ARSI: variants seen among roughly 807,000 people sequenced by gnomAD.
ARSI encodes the protein arylsulfatase I.
In ARSI, 37 loss-of-function variants were observed where a neutral mutation model predicts 42.1. The observed-to-expected ratio is 0.88, with a 90% CI of 0.68 to 1.16. The LOEUF (loss-of-function observed/expected upper bound fraction) is 1.16, where lower values mean the gene tolerates loss of function less well. Among genes scored for constraint, ARSI ranks in the 50% most tolerant of loss-of-function variants. The probability of loss-of-function intolerance (pLI) is 0.00; values close to 1 mark genes in which losing one functional copy is unlikely to be tolerated. For synonymous variants in ARSI, 305 were observed against 320.3 expected (o/e 0.95, Z 0.51); for missense variants, 725 against 790.1 (o/e 0.92, Z 0.99).
Position 150,297,547 on chromosome 5 carries a change from G to A in ARSI, c.1377C>T (p.Arg459=). 6.2e-7 allele frequency: 1 copy of A among 1,612,768 alleles called. No individual in the cohort carries two copies. The highest frequency in any genetic ancestry group is 8.5e-7 in the Non-Finnish European group (1 of 1,179,742). ...TGATGTTGAAGAGCCACACGGCCTGGCGGACACTGGCCATTCGTTCCAGGT... is the reference window on the plus strand; with the variant it reads ...TGATGTTGAAGAGCCACACGGCCTGACGGACACTGGCCATTCGTTCCAGGT... ...WWNLERMASV[R]QAVWLFNISA... is the part of the protein sequence containing the mutation. Residue 459 remains arginine (R), a synonymous_variant, in exon 2 of 2, where the codon CGC becomes CGT. Coordinates refer to ENST00000328668, the MANE Select transcript of ARSI (RefSeq NM_001012301.4). This position sits in a 1 kb window ranked among gnomAD's most constrained non-coding sequence, Gnocchi z 7.0.
Position 150,298,118 on chromosome 5 carries a change from C to A in ARSI, c.806G>T (p.Cys269Phe). The A allele has an allele frequency of 6.2e-7, 1 of 1,613,794 alleles. No homozygotes were observed. The highest frequency in any genetic ancestry group is 2.2e-5 in the East Asian group (1 of 44,886). The stretch of plus-strand genomic sequence containing the variant: ...GATGTTGCGCACAGCCTCATCCATG[C>A]AGGTCACCATGGCCGCGTACTTCCG... ...ARRKYAAMVT[C>F]MDEAVRNITW... The change falls in exon 2 of 2, where the codon TGC becomes TTC. Residue 269 changes from cysteine (C) to phenylalanine (F), a missense_variant. Coordinates refer to ENST00000328668, the MANE Select transcript of ARSI (RefSeq NM_001012301.4).
At position 150,296,951 on chromosome 5, in the gene ARSI, T is replaced by C; in HGVS notation, c.*263A>G. On this transcript the variant is annotated 3_prime_UTR_variant, in exon 2 of 2. Coordinates refer to ENST00000328668, the MANE Select transcript of ARSI (RefSeq NM_001012301.4). ...AAGTCATTAGAGCTCATTTTACAGA[T>C]GAGGAAACTGAGGCTAAAAGCTCAT... The C allele has an allele frequency of 2.7e-6, 1 of 376,640 alleles. No individual in the cohort carries two copies. 23.3% of individuals were successfully genotyped at this position (376,640 alleles called of 1,614,324 possible).
intron 1 of ARSI, among the ~76,000 whole-genome samples, chr5:150,300,506 T>C (rs951558028): frequency 6.6e-6 from 1 of 152,132 alleles, no homozygotes; most frequent in African/African-American, 2.4e-5. Flanking sequence ...TTCATAGAGG[T>C]GGGGTGCTGT....
Position 150,298,499 on chromosome 5 carries a change from G to A in ARSI, c.425C>T (p.Thr142Ile). 6.2e-7 allele frequency: 1 copy of A among 1,614,236 alleles called. No homozygotes were observed. Among genetic ancestry groups the A allele is most frequent in the Non-Finnish European group, 8.5e-7 (1 of 1,180,042 alleles). Residue 142 changes from threonine to isoleucine, a missense_variant, in exon 2 of 2, where the codon ACC (threonine) becomes ATC (isoleucine). Transcript: ENST00000328668. The part of the protein sequence containing the change: ...PQKLQEAGYS[T>I]HMVGKWHLGF... ...CAGGTGCCACTTGCCCACCATATGG[G>A]TGGAATAACCTGCCTCCTGCAGCTT...
Position 150,297,995 on chromosome 5 carries a change from G to A in ARSI, c.929C>T (p.Pro310Leu), listed in dbSNP as rs150250495. 9.3e-6 allele frequency: 15 copies of A among 1,612,502 alleles called. No individual in the cohort carries two copies. In the East Asian group the frequency reaches 1.3e-4, roughly 14 times the overall value. Reference protein sequence around the residue: ...GQTFSGGSNWPLRGRKGTYWE... With the variant: ...GQTFSGGSNWLLRGRKGTYWE... ...ATAAGTGCCCTTGCGTCCTCGGAGC[G>A]GCCAGTTGCTGCCCCCCGAGAAAGT... Residue 310 changes from proline (P) to leucine (L), a missense_variant, in exon 2 of 2, where the codon CCG becomes CTG. Coordinates refer to ENST00000328668, the MANE Select transcript of ARSI (RefSeq NM_001012301.4). This position sits in a 1 kb window ranked among gnomAD's most constrained non-coding sequence, Gnocchi z 7.0.
rs1757812353 is a variant in ARSI, at chr5:150,296,982, T to G, written c.*232A>C. On this transcript the variant is annotated 3_prime_UTR_variant, in exon 2 of 2. Coordinates refer to ENST00000328668, the MANE Select transcript of ARSI (RefSeq NM_001012301.4). ...AACTGAGGCTAAAAGCTCATGTGGG[T>G]CACCTGAGGTCACAGAGCAAGTCCG... 2.3e-6 allele frequency: 1 copy of G among 438,046 alleles called. No homozygotes were observed. The highest frequency in any genetic ancestry group is 4.0e-6 in the Non-Finnish European group (1 of 251,064). The allele number at this position is 438,046 out of a possible 1,614,324, so 27.1% of individuals were successfully genotyped here. A position where few individuals can be genotyped will look rare whatever the true frequency, so the allele number is the denominator to read the frequency against.
Position 150,302,313 on chromosome 5 carries a change from C to T in ARSI, c.61G>A (p.Asp21Asn). 6.3e-7 allele frequency: 1 copy of T among 1,592,060 alleles called. No homozygotes were observed. Among genetic ancestry groups the T allele is most frequent in the Admixed American group, 1.8e-5 (1 of 55,966 alleles). The change falls in exon 1 of 2, where the codon GAC becomes AAC. Residue 21 changes from aspartate to asparagine, a missense_variant. Transcript: ENST00000328668. This position sits in a 1 kb window ranked among gnomAD's most constrained non-coding sequence, Gnocchi z 6.1. ...GCCACGAAGCTCGGCTTGGCCCAGTCCCAGGACAGGTAGCCGAAGCTGAGC... is the reference window on the plus strand; with the variant it reads ...GCCACGAAGCTCGGCTTGGCCCAGTTCCAGGACAGGTAGCCGAAGCTGAGC... ...SLLSFGYLSW[D>N]WAKPSFVADG... is the part of the protein sequence containing the mutation.
chr5:150,296,992 T>C lies in ARSI; in HGVS notation c.*222A>G. 2.2e-6 allele frequency: 1 copy of C among 457,892 alleles called. No homozygotes were observed. Among genetic ancestry groups the C allele is most frequent in the Non-Finnish European group, 3.8e-6 (1 of 264,000 alleles). The allele number at this position is 457,892 out of a possible 1,614,324, so 28.4% of individuals were successfully genotyped here. On this transcript the variant is annotated 3_prime_UTR_variant, in exon 2 of 2. Transcript: ENST00000328668. The stretch of plus-strand genomic sequence containing the variant: ...AAAAGCTCATGTGGGTCACCTGAGG[T>C]CACAGAGCAAGTCCGTGAGGAGGCA...
Position 150,297,217 on chromosome 5 carries a change from G to C in ARSI, c.1707C>G (p.Ile569Met). 6.4e-7 allele frequency: 1 copy of C among 1,559,362 alleles called. No homozygotes were observed. ...ACAGTTTTCTCCCTCCCCACCATCA[G>C]ATCCGTTGGGACATTAGCCTGGTGT... ...KLNTRLMSQR[I>M] Residue 569 changes from isoleucine (I) to methionine (M), a missense_variant, in exon 2 of 2, where the codon ATC becomes ATG. By Grantham distance (10) the Ile-to-Met change is conservative (BLOSUM62 1). Transcript: ENST00000328668. The surrounding 1 kb of genome is among the most constrained non-coding windows in gnomAD (Gnocchi z 7.0).
At position 150,298,048 on chromosome 5, in the gene ARSI, G is replaced by A. The variant is rs1757848434; in HGVS notation, c.876C>T (p.Ile292=). The A allele has an allele frequency of 3.1e-6, 5 of 1,612,778 alleles. No homozygotes were observed. Among genetic ancestry groups the A allele is most frequent in the African/African-American group, 1.3e-5 (1 of 74,884 alleles). The part of the protein sequence containing the change: ...KRYGFYNNSV[I]IFSSDNGGQT... ...GGCCACCATTGTCACTGGAGAAGAT[G>A]ATGACACTGTTGTTGTAGAAACCGT... The change falls in exon 2 of 2, where the codon ATC becomes ATT. Residue 292 remains isoleucine, a synonymous_variant. Coordinates refer to ENST00000328668, the MANE Select transcript of ARSI (RefSeq NM_001012301.4).
At chr5:150,298,732 A>T in intron 1 of ARSI, 120 bp from the exon 2 acceptor site, 1 of 875,268 alleles carries the variant, frequency 1.1e-6, no homozygotes, top group South Asian at 1.8e-5. Flanking sequence ...CAGCAAAAAT[A>T]ATAACAGTAA....
Position 150,302,095 on chromosome 5 carries a change from G to A in ARSI, c.279C>T (p.Cys93=). The part of the protein sequence containing the change: ...KLENYYIQPI[C]TPSRSQLLTG... ...TGAGGAGCTGGCTCCGCGAAGGCGTGCAGATGGGCTGGATGTAATAATTCT... is the reference window on the plus strand; with the variant it reads ...TGAGGAGCTGGCTCCGCGAAGGCGTACAGATGGGCTGGATGTAATAATTCT... The change falls in exon 1 of 2, where the codon TGC becomes TGT. Residue 93 remains cysteine (C), a synonymous_variant. Coordinates refer to ENST00000328668, the MANE Select transcript of ARSI (RefSeq NM_001012301.4). This position sits in a 1 kb window ranked among gnomAD's most constrained non-coding sequence, Gnocchi z 6.1. The A allele has an allele frequency of 6.2e-7, 1 of 1,604,916 alleles. No homozygotes were observed. The highest frequency in any genetic ancestry group is 8.5e-7 in the Non-Finnish European group (1 of 1,176,184).
chr5:150,297,564 G>A lies in ARSI; in HGVS notation c.1360C>T (p.Arg454Ter), dbSNP rs199825079. The A allele has an allele frequency of 2.4e-5, 39 of 1,611,464 alleles. No individual in the cohort carries two copies. Among genetic ancestry groups the A allele is most frequent in the African/African-American group, 9.3e-5 (7 of 75,042 alleles). Residue 454 changes from arginine to a stop codon, truncating the protein, a stop_gained, in exon 2 of 2, where the codon CGA becomes TGA. Transcript: ENST00000328668. LOFTEE classifies it high-confidence loss of function. This position sits in a 1 kb window ranked among gnomAD's most constrained non-coding sequence, Gnocchi z 7.0. ...TFPGSWWNLE[R>*]MASVRQAVWL... ...ACGGCCTGGCGGACACTGGCCATTC[G>A]TTCCAGGTTCCACCAGCTACCCGGG...
Position 150,298,119 on chromosome 5 carries a change from A to G in ARSI, c.805T>C (p.Cys269Arg), listed in dbSNP as rs1406172589. Reference sequence around the variant, plus strand: ...ATGTTGCGCACAGCCTCATCCATGCAGGTCACCATGGCCGCGTACTTCCGC... The same window carrying G: ...ATGTTGCGCACAGCCTCATCCATGCGGGTCACCATGGCCGCGTACTTCCGC... Reference protein sequence around the residue: ...ARRKYAAMVTCMDEAVRNITW... With the variant: ...ARRKYAAMVTRMDEAVRNITW... Residue 269 changes from cysteine (C) to arginine (R), a missense_variant, in exon 2 of 2, where the codon TGC becomes CGC. Physicochemically the swap from Cys to Arg is radical, Grantham distance 180. Coordinates refer to ENST00000328668, the MANE Select transcript of ARSI (RefSeq NM_001012301.4). The G allele has an allele frequency of 6.2e-7, 1 of 1,613,680 alleles. No individual in the cohort carries two copies.
In ARSI at chr5:150,302,438, G is replaced by T; in HGVS notation, c.-65C>A. 1 of 1,281,058 alleles carries T rather than the reference G, an allele frequency of 7.8e-7. No individual in the cohort carries two copies. The allele number at this position is 1,281,058 out of a possible 1,614,324, so 79.4% of individuals were successfully genotyped here. ...GGGGCCTCACCACCTCGCGCGCCCA[G>T]GGCGCACCACCGGCCCGCCGGCTCG... is the stretch of plus-strand genomic sequence containing the variant. On this transcript the variant is annotated 5_prime_UTR_variant, in exon 1 of 2. The change creates a new upstream start codon in the 5' untranslated region. Coordinates refer to ENST00000328668, the MANE Select transcript of ARSI (RefSeq NM_001012301.4). This position sits in a 1 kb window ranked among gnomAD's most constrained non-coding sequence, Gnocchi z 6.1.
Position 150,302,386 on chromosome 5 carries a change from C to T in ARSI, c.-13G>A. 7.0e-7 allele frequency: 1 copy of T among 1,418,974 alleles called. No individual in the cohort carries two copies. The highest frequency in any genetic ancestry group is 1.6e-5 in the South Asian group (1 of 63,402). The allele number at this position is 1,418,974 out of a possible 1,614,324, so 87.9% of individuals were successfully genotyped here. A position where few individuals can be genotyped will look rare whatever the true frequency, so the allele number is the denominator to read the frequency against. On this transcript the variant is annotated 5_prime_UTR_variant, in exon 1 of 2. Coordinates refer to ENST00000328668, the MANE Select transcript of ARSI (RefSeq NM_001012301.4). This position sits in a 1 kb window ranked among gnomAD's most constrained non-coding sequence, Gnocchi z 6.1. ...TGAGGGTGTGCATCGCCAAGCCGGCCCGCGCGTCCCGGCGCGCCGGGCTCC... is the reference window on the plus strand; with the variant it reads ...TGAGGGTGTGCATCGCCAAGCCGGCTCGCGCGTCCCGGCGCGCCGGGCTCC...
chr5:150,298,793 G>A (rs1219151446), intron 1 of ARSI, among the ~76,000 whole-genome samples, 181 bp from the exon 2 acceptor site: 1 of 152,080 alleles, frequency 6.6e-6, no homozygotes, highest in African/African-American at 2.4e-5. Flanking sequence ...TTATCTCATC[G>A]AATCCTCAAA....
Position 150,298,029 on chromosome 5 carries a change from C to T in ARSI, c.895G>A (p.Gly299Ser), listed in dbSNP as rs966027588. The T allele has an allele frequency of 1.9e-6, 3 of 1,612,594 alleles. No homozygotes were observed. Among genetic ancestry groups the T allele is most frequent in the Non-Finnish European group, 1.7e-6 (2 of 1,180,026 alleles). ...NSVIIFSSDNGGQTFSGGSNW... is the reference protein window; with the variant it reads ...NSVIIFSSDNSGQTFSGGSNW... ...CTGCCCCCCGAGAAAGTCTGGCCAC[C>T]ATTGTCACTGGAGAAGATGATGACA... The change falls in exon 2 of 2, where the codon GGT becomes AGT. Residue 299 changes from glycine (G) to serine (S), a missense_variant. Transcript: ENST00000328668.
chr5:150,298,297 A>C lies in ARSI; in HGVS notation c.627T>G (p.Thr209=), dbSNP rs916970268. Residue 209 remains threonine (T), a synonymous_variant, in exon 2 of 2, where the codon ACT becomes ACG. Transcript: ENST00000328668. ...VAWGLSGQYS[T]MLYAQRASHI... ...GGCTGGCGCGCTGGGCATAAAGCAT[A>C]GTGGAGTACTGGCCGCTGAGCCCCC... 8.7e-6 allele frequency: 14 copies of C among 1,613,384 alleles called. No individual in the cohort carries two copies. In the African/African-American group the frequency reaches 1.5e-4, roughly 17 times the overall value.
Sources: gnomAD v4.1 joint callset for allele counts (sites outside exome capture counted in the v4.1 genomes callset) on GRCh38, gnomAD v4.1.1 for gene constraint, Gnocchi (gnomAD v3.1) non-coding constraint, MANE v1.5 for transcripts, NCBI Gene and HGNC (gene_info 2026-07-23, HGNC 2026-07-21) for gene names.